Variants in POU6F2 observed in about 807,000 individuals in gnomAD.
POU6F2 encodes POU domain, class 6, transcription factor 2.
Under a neutral mutation model 71.3 loss-of-function variants are expected in POU6F2, and 31 were observed. The observed-to-expected ratio is 0.43, with a 90% CI of 0.33 to 0.59. The LOEUF is 0.59. POU6F2 is among the 20% of genes least tolerant of loss of function. POU6F2 has a pLI of 0.04. For synonymous variants in POU6F2, 347 were observed against 355.7 expected (o/e 0.98, Z 0.27); for missense variants, 783 against 856.8 (o/e 0.91, Z 1.07).
At chr7:39,015,786 A>G (rs1274031464) in intron 1 of POU6F2, among the ~76,000 whole-genome samples, 1 of 94,746 alleles carries the variant, frequency 1.1e-5, no homozygotes, top group Non-Finnish European at 1.8e-5. Flanking sequence ...TATATATGGT[A>G]TATTATATAT....
At chr7:39,330,789 C>T (rs947864149) in intron 4 of POU6F2, among the ~76,000 whole-genome samples, 1 of 152,048 alleles carries the variant, frequency 6.6e-6, no homozygotes, top group African/African-American at 2.4e-5. Context: ...TTATTTCGTG[C>T]ATTTATCATT....
At chr7:39,277,000 T>C (rs543207126) in intron 4 of POU6F2, among the ~76,000 whole-genome samples, 22 of 152,130 alleles carry the variant, frequency 1.4e-4, no homozygotes, top group Admixed American at 5.9e-4. Flanking sequence ...CATGTATACA[T>C]ATGTAACTAA....
intron 2 of POU6F2, among the ~76,000 whole-genome samples, chr7:39,196,166 G>A (rs1793783514): frequency 6.6e-6 from 1 of 152,174 alleles, no homozygotes; most frequent in Admixed American, 6.5e-5. Flanking sequence ...AATCTGTGGT[G>A]GTGGTAGTGA....
rs1290658180 is a variant in POU6F2, at chr7:39,010,774, G to T, written c.105+32716G>T. ...ACATCTTTATTTCTGCCTTCATTTCGTTATGTACCCAGTAGTCATTCAGGA... is the reference window on the plus strand; with the variant it reads ...ACATCTTTATTTCTGCCTTCATTTCTTTATGTACCCAGTAGTCATTCAGGA... On this transcript the variant is annotated intron_variant, in intron 1 of 9. Coordinates refer to ENST00000518318, the MANE Select transcript of POU6F2 (RefSeq NM_001370959.1). Among the ~76,000 whole-genome samples the T allele has an allele frequency of 8.3e-5, 12 of 144,130 alleles. No homozygotes were observed. In the South Asian group the frequency reaches 1.9e-3, roughly 23 times the overall value. The allele number at this position is 144,130 out of a possible 152,430, so 94.6% of individuals were successfully genotyped here. A position where few individuals can be genotyped will look rare whatever the true frequency, so the allele number is the denominator to read the frequency against.
chr7:38,989,550 T>A (rs550337915), intron 1 of POU6F2, among the ~76,000 whole-genome samples: 11 of 152,202 alleles, frequency 7.2e-5, no homozygotes, highest in Non-Finnish European at 1.5e-4. Flanking sequence ...ATTTTTGCAA[T>A]TTGCTTCACT....
At chr7:39,044,642 GA>G (rs1231981180) in intron 1 of POU6F2, among the ~76,000 whole-genome samples, 1 of 151,948 alleles carries the variant, frequency 6.6e-6, no homozygotes, top group Non-Finnish European at 1.5e-5. Flanking sequence ...GATTAAATTA[GA>G]AATCCATTTC....
intron 6 of POU6F2, among the ~76,000 whole-genome samples, chr7:39,423,199 A>G (rs996724188): frequency 2.0e-5 from 3 of 152,182 alleles, no homozygotes; most frequent in Non-Finnish European, 2.9e-5. Context: ...AAAAGAGCCT[A>G]TTGAACTCTT....
chr7:39,321,112 G>A (rs1246691600), intron 4 of POU6F2, among the ~76,000 whole-genome samples: 2 of 144,510 alleles, frequency 1.4e-5, no homozygotes, highest in Non-Finnish European at 3.1e-5. Context: ...ACAATATATT[G>A]TAATAAAAGT....
intron 2 of POU6F2, among the ~76,000 whole-genome samples, chr7:39,131,019 G>A (rs1792266246): frequency 6.6e-6 from 1 of 152,194 alleles, no homozygotes; most frequent in African/African-American, 2.4e-5. Context: ...ACCAGTGGGA[G>A]GAAAGGCTAA....
chr7:39,120,353 T>G (rs752031898), intron 2 of POU6F2, among the ~76,000 whole-genome samples: 4 of 152,088 alleles, frequency 2.6e-5, no homozygotes, highest in Non-Finnish European at 5.9e-5. Flanking sequence ...AAATAATTAT[T>G]TAAAGCACAG....
At chr7:39,280,060 A>G (rs1784532843) in intron 4 of POU6F2, among the ~76,000 whole-genome samples, 1 of 151,952 alleles carries the variant, frequency 6.6e-6, no homozygotes. Flanking sequence ...TTTCCCTTTT[A>G]TTAGGACATC....
At chr7:39,238,896 A>C (rs189429506) in intron 4 of POU6F2, among the ~76,000 whole-genome samples, 6 of 152,294 alleles carry the variant, frequency 3.9e-5, no homozygotes, top group Non-Finnish European at 8.8e-5. Flanking sequence ...GAAACGTGGG[A>C]CCAGCAAAGA....
At chr7:38,995,508 A>T (rs1448478800) in intron 1 of POU6F2, among the ~76,000 whole-genome samples, 2 of 152,072 alleles carry the variant, frequency 1.3e-5, no homozygotes, top group Admixed American at 6.5e-5. Flanking sequence ...CTTTGTGATG[A>T]AAAAAAAGAG....
At chr7:38,991,798 T>C (rs1023776426) in intron 1 of POU6F2, among the ~76,000 whole-genome samples, 24 of 152,250 alleles carry the variant, frequency 1.6e-4, no homozygotes, top group African/African-American at 5.8e-4. Flanking sequence ...CTTTGTATTT[T>C]CAGTTTAGAC....
intron 4 of POU6F2, among the ~76,000 whole-genome samples, chr7:39,305,838 G>A (rs564350495): frequency 2.0e-4 from 31 of 152,304 alleles, no homozygotes; most frequent in Middle Eastern, 3.4e-3. Flanking sequence ...TGTCATGTAT[G>A]TGATTTCCAC....
chr7:39,390,290 G>A (rs1787040736), intron 5 of POU6F2, among the ~76,000 whole-genome samples: 1 of 152,158 alleles, frequency 6.6e-6, no homozygotes, highest in African/African-American at 2.4e-5. Context: ...CAGCTACTTG[G>A]GAGGCTGAGG....
At chr7:39,241,016 C>T (rs1783715354) in intron 4 of POU6F2, among the ~76,000 whole-genome samples, 1 of 152,104 alleles carries the variant, frequency 6.6e-6, no homozygotes, top group Non-Finnish European at 1.5e-5. Context: ...TTTCTTGCAG[C>T]TGACTCACCT....
chr7:39,278,117 G>GAGGGAGGGAGGA (rs1784490189), intron 4 of POU6F2, among the ~76,000 whole-genome samples: 3 of 112,868 alleles, frequency 2.7e-5, no homozygotes, highest in Non-Finnish European at 5.6e-5. Flanking sequence ...GGGGGGGAGG[G>GAGGGAGGGAGGA]AGGGAGGAAG....
At chr7:39,267,533 C>T (rs1784269940) in intron 4 of POU6F2, among the ~76,000 whole-genome samples, 1 of 152,186 alleles carries the variant, frequency 6.6e-6, no homozygotes, top group Non-Finnish European at 1.5e-5. Context: ...ATCCCAGTGA[C>T]ATTTTATAAT....
Sources: allele counts gnomAD v4.1 joint callset (sites outside exome capture counted in the v4.1 genomes callset), GRCh38; gene constraint gnomAD v4.1.1; transcripts MANE v1.5; gene names NCBI Gene and HGNC (gene_info 2026-07-23, HGNC 2026-07-21).